Variants in VWC2L observed in about 807,000 individuals in gnomAD.
VWC2L encodes the protein von Willebrand factor C domain-containing protein 2-like.
VWC2L carries 10 observed loss-of-function variants against 21.6 expected under a neutral mutation model. The ratio of observed to expected loss-of-function variants is 0.46; its 90% CI spans 0.29 to 0.78. The LOEUF (loss-of-function observed/expected upper bound fraction) is 0.78. Among genes scored for constraint, VWC2L ranks in the 30% least tolerant of loss-of-function variants. The pLI is 0.10. For missense variants in VWC2L, 209 were observed against 277.1 expected (o/e 0.75, Z 1.74); for synonymous variants, 96 against 94.3 (o/e 1.02, Z -0.10).
At chr2:214,506,995 G>GA (rs1219570029) in intron 3 of VWC2L, among the ~76,000 whole-genome samples, 1 of 151,552 alleles carries the variant, frequency 6.6e-6, no homozygotes, top group African/African-American at 2.4e-5. Context: ...ATGTTCTATG[G>GA]AAAAAAATGA....
chr2:214,575,676 A>G lies in VWC2L; in HGVS notation c.525A>G (p.Pro175=), dbSNP rs1412326577. ...CAATGTATCTGTGTGTTTCAGGTCC[A>G]AACTGCTTTGCAGGAACGACGATAA... is the stretch of plus-strand genomic sequence containing the variant. The part of the protein sequence containing the change: ...EQCCPVCKNG[P]NCFAGTTIIP... Residue 175 remains proline, a synonymous_variant, in exon 4 of 4, where the codon CCA becomes CCG. Coordinates refer to ENST00000312504, the MANE Select transcript of VWC2L (RefSeq NM_001080500.4). 6.2e-7 allele frequency: 1 copy of G among 1,613,194 alleles called. No individual in the cohort carries two copies. The highest frequency in any genetic ancestry group is 8.5e-7 in the Non-Finnish European group (1 of 1,179,390).
At chr2:214,574,624 A>C (rs934353859) in intron 3 of VWC2L, among the ~76,000 whole-genome samples, 2 of 152,128 alleles carry the variant, frequency 1.3e-5, no homozygotes, top group Non-Finnish European at 2.9e-5. Context: ...CAGGTTAATA[A>C]ATCACTGGTA....
chr2:214,571,761 A>G (rs1401817271), intron 3 of VWC2L, among the ~76,000 whole-genome samples: 2 of 151,978 alleles, frequency 1.3e-5, no homozygotes, highest in African/African-American at 2.4e-5. Flanking sequence ...TCTTTCATTC[A>G]TATTCTCTCT....
chr2:214,507,634 G>T (rs1413279795), intron 3 of VWC2L, among the ~76,000 whole-genome samples: 1 of 152,092 alleles, frequency 6.6e-6, no homozygotes, highest in Non-Finnish European at 1.5e-5. Flanking sequence ...GTACCATGCT[G>T]GCACCCTAAA....
chr2:214,487,510 T>C (rs894801628), intron 3 of VWC2L, among the ~76,000 whole-genome samples: 5 of 152,306 alleles, frequency 3.3e-5, no homozygotes, highest in African/African-American at 9.6e-5. Flanking sequence ...CAATGTGCCA[T>C]GGGGACCCTG....
At chr2:214,420,535 G>A (rs1395977529) in intron 2 of VWC2L, among the ~76,000 whole-genome samples, 1 of 152,164 alleles carries the variant, frequency 6.6e-6, no homozygotes, top group East Asian at 1.9e-4. Context: ...TAAGTCAGAT[G>A]TTTACACAAG....
At chr2:214,493,292 A>G (rs894983945) in intron 3 of VWC2L, among the ~76,000 whole-genome samples, 1 of 152,214 alleles carries the variant, frequency 6.6e-6, no homozygotes, top group Non-Finnish European at 1.5e-5. Flanking sequence ...TATTTCTATT[A>G]ACACAGATGC....
chr2:214,560,871 T>A (rs1416087406), intron 3 of VWC2L, among the ~76,000 whole-genome samples: 1 of 152,204 alleles, frequency 6.6e-6, no homozygotes, highest in African/African-American at 2.4e-5. Context: ...GACTTGCAAG[T>A]AATTGAACCA....
intron 3 of VWC2L, among the ~76,000 whole-genome samples, chr2:214,487,880 G>T (rs747230524): frequency 6.6e-6 from 1 of 152,106 alleles, no homozygotes; most frequent in Non-Finnish European, 1.5e-5. Context: ...GAGGAGTGAA[G>T]AAACACGGAA....
chr2:214,475,899 G>C (rs1688509984), intron 3 of VWC2L, among the ~76,000 whole-genome samples: 1 of 152,160 alleles, frequency 6.6e-6, no homozygotes, highest in East Asian at 1.9e-4. Flanking sequence ...CATTGATATT[G>C]TCAAAGCCAA....
intron 3 of VWC2L, among the ~76,000 whole-genome samples, chr2:214,438,658 T>C (rs1050458018): frequency 7.2e-5 from 11 of 152,094 alleles, no homozygotes; most frequent in African/African-American, 2.7e-4. Flanking sequence ...CCAGAGTTAA[T>C]GTCTATGTCA....
At chr2:214,459,128 T>A (rs1253118656) in intron 3 of VWC2L, among the ~76,000 whole-genome samples, 2 of 152,188 alleles carry the variant, frequency 1.3e-5, no homozygotes, top group African/African-American at 4.8e-5. Flanking sequence ...AATTGTTATA[T>A]CTTGTTGCTG....
chr2:214,516,894 C>T (rs755421101), intron 3 of VWC2L, among the ~76,000 whole-genome samples: 16 of 152,190 alleles, frequency 1.1e-4, no homozygotes, highest in Non-Finnish European at 2.9e-5. Flanking sequence ...AAAATAATAT[C>T]TTCCTGTTAG....
chr2:214,458,082 G>A (rs1049579883), intron 3 of VWC2L, among the ~76,000 whole-genome samples: 1 of 151,918 alleles, frequency 6.6e-6, no homozygotes, highest in Non-Finnish European at 1.5e-5. Flanking sequence ...AGTCCTGGGC[G>A]TTTCTTTGTT....
intron 3 of VWC2L, among the ~76,000 whole-genome samples, chr2:214,565,567 G>T (rs1690050027): frequency 6.6e-6 from 1 of 152,162 alleles, no homozygotes; most frequent in South Asian, 2.1e-4. Flanking sequence ...ACTGCTATAT[G>T]CCCTCTCACT....
At chr2:214,460,277 G>A (rs1011131360) in intron 3 of VWC2L, among the ~76,000 whole-genome samples, 2 of 152,146 alleles carry the variant, frequency 1.3e-5, no homozygotes, top group African/African-American at 4.8e-5. Flanking sequence ...AGGTTTCTGA[G>A]CTTTTTGTAT....
At chr2:214,489,828 C>A (rs768471415) in intron 3 of VWC2L, among the ~76,000 whole-genome samples, 5 of 152,248 alleles carry the variant, frequency 3.3e-5, no homozygotes, top group South Asian at 2.1e-4. Context: ...TATTTAGGGC[C>A]ATCTATTTTT....
chr2:214,493,193 C>T (rs145210790), intron 3 of VWC2L, among the ~76,000 whole-genome samples: 35 of 152,114 alleles, frequency 2.3e-4, no homozygotes, highest in African/African-American at 7.7e-4. Context: ...AAAATATAAC[C>T]CTGTTACATC....
chr2:214,415,712 G>A (rs1702344611), intron 2 of VWC2L, among the ~76,000 whole-genome samples: 1 of 152,096 alleles, frequency 6.6e-6, no homozygotes, highest in Admixed American at 6.5e-5. Flanking sequence ...GAATGAACCA[G>A]GTTAGCGGTT....
Sources: allele counts gnomAD v4.1 joint callset (sites outside exome capture counted in the v4.1 genomes callset), GRCh38; gene constraint gnomAD v4.1.1; transcripts MANE v1.5; gene names NCBI Gene and HGNC (gene_info 2026-07-23, HGNC 2026-07-21).